The following EXOC2 variants were observed in gnomAD, a reference collection of about 807,000 sequenced individuals.
EXOC2 encodes the protein SEC5-like 1.
Under a neutral mutation model 131.8 loss-of-function variants are expected in EXOC2, and 70 were observed. The observed-to-expected ratio is 0.53, with a 90% confidence interval of 0.44 to 0.65. The LOEUF is 0.65. Ranked by LOEUF, EXOC2 falls within the 30% of genes least tolerant of loss-of-function variation. The pLI, the probability that EXOC2 is intolerant of heterozygous loss-of-function variation, is 0.00. For missense variants in EXOC2, 923 were observed against 1,108.6 expected, an observed-to-expected ratio of 0.83 and a Z score of 2.38; for synonymous variants, 411 against 398.4, an observed-to-expected ratio of 1.03 and a Z score of -0.38.
chr6:539,138 G>T (rs1766649229), intron 22 of EXOC2, among the ~76,000 whole-genome samples: 1 of 152,028 alleles, frequency 6.6e-6, no homozygotes, highest in South Asian at 2.1e-4. Flanking sequence ...TTTTGGAAGG[G>T]TTTATCTGGA....
chr6:530,573 C>G (rs1010320470), intron 23 of EXOC2, among the ~76,000 whole-genome samples: 1 of 152,196 alleles, frequency 6.6e-6, no homozygotes, highest in African/African-American at 2.4e-5. Context: ...CCAGAGGACA[C>G]AGGGCCCGGA....
intron 23 of EXOC2, among the ~76,000 whole-genome samples, chr6:517,123 T>C (rs975470029): frequency 5.9e-5 from 9 of 152,202 alleles, no homozygotes; most frequent in Admixed American, 2.6e-4. Context: ...AAAAAGCCAG[T>C]TGGGGGTAGA....
In EXOC2 at chr6:509,374, T is replaced by C. The variant is rs1764728504; in HGVS notation, c.2381-9674A>G. The stretch of plus-strand genomic sequence containing the variant: ...AATCAAGCTATTCAGTTTTCATGGA[T>C]TCTGCCAACCTATCATGCAAAAGGC... On this transcript the variant is annotated intron_variant, in intron 23 of 27. Transcript: ENST00000230449. 2.0e-5 allele frequency among the ~76,000 whole-genome samples: 3 copies of C among 152,322 alleles called. No individual in the cohort carries two copies. The East Asian group carries it at 5.8e-4, about 29-fold the overall frequency.
intron 23 of EXOC2, among the ~76,000 whole-genome samples, chr6:510,507 A>G (rs1395701008): frequency 6.6e-6 from 1 of 152,212 alleles, no homozygotes. Context: ...AAATGGTTAC[A>G]TGGTTTATTT....
At chr6:619,123 T>C (rs762042158) in intron 5 of EXOC2, among the ~76,000 whole-genome samples, 2 of 152,332 alleles carry the variant, frequency 1.3e-5, no homozygotes, top group East Asian at 1.9e-4. Flanking sequence ...AGAGATCACA[T>C]TCATACATGT....
chr6:578,988 C>A (rs546380987), intron 11 of EXOC2, among the ~76,000 whole-genome samples: 8 of 151,910 alleles, frequency 5.3e-5, no homozygotes, highest in Admixed American at 3.3e-4. Flanking sequence ...CCAAACTTAG[C>A]GTCACATTAA....
rs750116199 is a variant in EXOC2, at chr6:617,769, G to A, written c.603C>T (p.Ser201=). 5.0e-6 allele frequency: 8 copies of A among 1,613,644 alleles called. No individual in the cohort carries two copies. The Admixed American group carries it at 1.3e-4, about 27-fold the overall frequency. ...KRQANKKSEG[S]LAYVKGGLST... is the part of the protein sequence containing the mutation. ...TGAGACCGCCTTTCACATAGGCCAG[G>A]CTGCCCTCACTCTTCTTGTTAGCCT... is the stretch of plus-strand genomic sequence containing the variant. Residue 201 remains serine, a synonymous_variant, in exon 6 of 28, where the codon AGC becomes AGT. Coordinates refer to ENST00000230449, the MANE Select transcript of EXOC2 (RefSeq NM_018303.6).
At chr6:593,082 A>C (rs985313961) in intron 10 of EXOC2, among the ~76,000 whole-genome samples, 1 of 152,190 alleles carries the variant, frequency 6.6e-6, no homozygotes, top group East Asian at 1.9e-4. Flanking sequence ...CAGAGCTTTA[A>C]AATTTTTTCA....
intron 1 of EXOC2, among the ~76,000 whole-genome samples, chr6:648,236 A>G (rs1013756618): frequency 3.1e-4 from 47 of 152,238 alleles, no homozygotes; most frequent in African/African-American, 9.9e-4. Flanking sequence ...AGTTAAAAAC[A>G]TACTACAAGA....
intron 23 of EXOC2, among the ~76,000 whole-genome samples, chr6:502,248 G>A (rs569651463): frequency 6.6e-6 from 1 of 152,332 alleles, no homozygotes; most frequent in African/African-American, 2.4e-5. Flanking sequence ...CCCTCAGTGA[G>A]AACCGGGGTC....
intron 22 of EXOC2, among the ~76,000 whole-genome samples, chr6:547,416 C>T (rs761199751): frequency 6.6e-6 from 1 of 152,270 alleles, no homozygotes; most frequent in South Asian, 2.1e-4. Context: ...ACATGAGGTC[C>T]CCCTATGAGA....
At chr6:603,270 G>A (rs1369171524) in intron 7 of EXOC2, among the ~76,000 whole-genome samples, 1 of 152,172 alleles carries the variant, frequency 6.6e-6, no homozygotes, top group Non-Finnish European at 1.5e-5. Flanking sequence ...TGGAATATCA[G>A]AGTAACCCTA....
chr6:679,914 C>T (rs1046897369), intron 1 of EXOC2, among the ~76,000 whole-genome samples: 1 of 152,132 alleles, frequency 6.6e-6, no homozygotes, highest in African/African-American at 2.4e-5. Context: ...GGTTTATTAA[C>T]AAGGGTAGGA....
intron 23 of EXOC2, among the ~76,000 whole-genome samples, chr6:528,709 C>T (rs1181175315): frequency 6.6e-6 from 1 of 152,058 alleles, no homozygotes. Flanking sequence ...CTTAATGTCA[C>T]ACAGCCAGAA....
chr6:627,721 T>C (rs545718232), intron 4 of EXOC2, among the ~76,000 whole-genome samples: 2 of 152,252 alleles, frequency 1.3e-5, no homozygotes, highest in Non-Finnish European at 2.9e-5. Flanking sequence ...TTATTGGTTC[T>C]TTCCTTAATT....
chr6:554,008 T>C (rs1276574158), intron 20 of EXOC2, 88 bp from the exon 21 acceptor site: 3 of 1,002,234 alleles, frequency 3.0e-6, no homozygotes, highest in Non-Finnish European at 4.7e-6. Context: ...AAACGTGCAA[T>C]GAATTATATG....
At chr6:651,791 C>T (rs1762843504) in intron 1 of EXOC2, among the ~76,000 whole-genome samples, 1 of 152,022 alleles carries the variant, frequency 6.6e-6, no homozygotes, top group South Asian at 2.1e-4. Flanking sequence ...GGCACAGTGG[C>T]TCACGCCTGT....
chr6:615,724 G>GAAAAAAAAA (rs199694152), intron 6 of EXOC2, among the ~76,000 whole-genome samples: 2 of 101,916 alleles, frequency 2.0e-5, no homozygotes. Flanking sequence ...CATCTCAAAA[G>GAAAAAAAAA]AAAAAAAAAA....
chr6:653,758 G>C (rs1003066196), intron 1 of EXOC2, among the ~76,000 whole-genome samples: 1 of 152,192 alleles, frequency 6.6e-6, no homozygotes, highest in African/African-American at 2.4e-5. Flanking sequence ...CATTTTCATT[G>C]AAGACAAATA....
Sources: allele counts gnomAD v4.1 joint callset (sites outside exome capture counted in the v4.1 genomes callset), GRCh38; gene constraint gnomAD v4.1.1; transcripts MANE v1.5; gene names NCBI Gene and HGNC (gene_info 2026-07-23, HGNC 2026-07-21).